Variants in MGAT4C observed in about 807,000 individuals in gnomAD.
MGAT4C encodes the protein alpha-1,3-mannosyl-glycoprotein 4-beta-N-acetylglucosaminyltransferase C.
A neutral mutation model predicts 40.1 loss-of-function variants in MGAT4C; 19 were observed. The observed-to-expected ratio is 0.47, with a 90% CI of 0.33 to 0.70. MGAT4C has a LOEUF of 0.70. Ranked by LOEUF, MGAT4C falls within the 30% of genes least tolerant of loss-of-function variation. The pLI, the probability that MGAT4C is intolerant of heterozygous loss-of-function variation, is 0.02. For missense variants in MGAT4C, 491 were observed against 563.2 expected (o/e 0.87, Z 1.30); for synonymous variants, 181 against 187.1 (o/e 0.97, Z 0.27).
chr12:86,792,696 C>T (rs1294483906), intron 1 of MGAT4C, among the ~76,000 whole-genome samples: 1 of 152,090 alleles, frequency 6.6e-6, no homozygotes, highest in Non-Finnish European at 1.5e-5. Flanking sequence ...CTTTGGGAGG[C>T]CGAGGCGGGT....
chr12:86,687,549 T>C (rs2195235), intron 2 of MGAT4C, among the ~76,000 whole-genome samples: 118,875 of 152,092 alleles, frequency 0.78, 47,699 homozygotes, highest in Middle Eastern at 0.88. Context: ...TTTGTTCTCA[T>C]TGGTTTCAAA....
intron 4 of MGAT4C, 150 bp from the exon 5 acceptor site, chr12:85,980,580 G>T: frequency 1.5e-6 from 1 of 649,638 alleles, no homozygotes; most frequent in Non-Finnish European, 2.5e-6. Context: ...TATGATTAAA[G>T]TAATAAGCTA....
chr12:86,518,783 C>T (rs929506073), intron 2 of MGAT4C, among the ~76,000 whole-genome samples: 8 of 152,110 alleles, frequency 5.3e-5, no homozygotes, highest in African/African-American at 1.7e-4. Flanking sequence ...AAGCAAACAT[C>T]TGTCAAACAT....
intron 3 of MGAT4C, among the ~76,000 whole-genome samples, chr12:86,365,299 T>C (rs1955567770): frequency 6.6e-6 from 1 of 152,194 alleles, no homozygotes; most frequent in Admixed American, 6.5e-5. Context: ...ACATTGCTGT[T>C]ATCCTGTTCT....
chr12:86,319,870 T>C (rs1037856476), intron 4 of MGAT4C, among the ~76,000 whole-genome samples: 3 of 152,166 alleles, frequency 2.0e-5, no homozygotes, highest in Non-Finnish European at 2.9e-5. Flanking sequence ...ATTCAATAAA[T>C]GATAAAATTT....
chr12:86,579,824 T>C (rs1416251218), intron 2 of MGAT4C, among the ~76,000 whole-genome samples: 1 of 151,606 alleles, frequency 6.6e-6, no homozygotes, highest in Non-Finnish European at 1.5e-5. Flanking sequence ...TATACGATTA[T>C]AGGTTAAAAG....
At chr12:86,262,320 CAT>C in intron 4 of MGAT4C, among the ~76,000 whole-genome samples, 1 of 152,250 alleles carries the variant, frequency 6.6e-6, no homozygotes, top group Non-Finnish European at 1.5e-5. Context: ...ATCAGTCACT[CAT>C]AGTCATATTG....
rs537853960 is a variant in MGAT4C at position 86,286,277 on chromosome 12, A to C, written c.-57+47788T>G. Among the ~76,000 whole-genome samples, 183 of 152,228 alleles carry C rather than the reference A, an allele frequency of 1.2e-3. 1 individual carries two copies. The highest frequency in any genetic ancestry group is 4.2e-3 in the African/African-American group (176 of 41,558). ...AATTTGAGTGTGTCACATGTGATAA[A>C]ATGTTAGCAGTAAAAAGAACATTAG... is the stretch of plus-strand genomic sequence containing the variant. On this transcript the variant is annotated intron_variant, in intron 4 of 7. Transcript: ENST00000548651.
At chr12:86,005,984 C>T (rs1198929760) in intron 2 of MGAT4C, among the ~76,000 whole-genome samples, 5 of 152,014 alleles carry the variant, frequency 3.3e-5, no homozygotes, top group Non-Finnish European at 4.4e-5. Flanking sequence ...TTCCAGTATC[C>T]GTCTACAACT....
intron 2 of MGAT4C, among the ~76,000 whole-genome samples, chr12:86,443,807 G>T (rs576577887): frequency 2.0e-5 from 3 of 151,986 alleles, no homozygotes; most frequent in Non-Finnish European, 4.4e-5. Flanking sequence ...TGTTAGCCAG[G>T]ATGGTCTCAA....
At chr12:86,541,037 A>G (rs1959165204) in intron 2 of MGAT4C, among the ~76,000 whole-genome samples, 1 of 152,192 alleles carries the variant, frequency 6.6e-6, no homozygotes, top group Non-Finnish European at 1.5e-5. Context: ...AGGTTGTTTC[A>G]AAGAGTTGAT....
intron 1 of MGAT4C, among the ~76,000 whole-genome samples, chr12:86,115,956 A>G (rs914135244): frequency 1.3e-5 from 2 of 151,970 alleles, no homozygotes; most frequent in African/African-American, 4.8e-5. Context: ...CTGAGAACCG[A>G]GGTTTAGGAT....
chr12:86,039,013 A>G (rs1891530609), intron 2 of MGAT4C, among the ~76,000 whole-genome samples: 1 of 149,794 alleles, frequency 6.7e-6, no homozygotes, highest in African/African-American at 2.4e-5. Context: ...GAGGATATAA[A>G]ATTCTGTGTT....
chr12:86,520,440 G>A (rs1176614417), intron 2 of MGAT4C, among the ~76,000 whole-genome samples: 2 of 152,108 alleles, frequency 1.3e-5, no homozygotes, highest in East Asian at 3.9e-4. Context: ...AACTCATGAT[G>A]TATATCTACC....
intron 1 of MGAT4C, among the ~76,000 whole-genome samples, chr12:86,161,171 A>G (rs958352966): frequency 1.3e-5 from 2 of 152,122 alleles, no homozygotes; most frequent in Non-Finnish European, 2.9e-5. Context: ...CAAAATTCAC[A>G]TGTCACCAAA....
At chr12:86,220,405 A>T (rs1950834670) in intron 1 of MGAT4C, among the ~76,000 whole-genome samples, 1 of 152,224 alleles carries the variant, frequency 6.6e-6, no homozygotes, top group Admixed American at 6.5e-5. Context: ...CATGTTACTA[A>T]CAGCAGGTAA....
intron 1 of MGAT4C, among the ~76,000 whole-genome samples, chr12:86,820,013 A>G (rs551749312): frequency 6.6e-6 from 1 of 150,980 alleles, no homozygotes; most frequent in East Asian, 1.9e-4. Context: ...ATAATTTGCT[A>G]TAGATAATTC....
intron 2 of MGAT4C, among the ~76,000 whole-genome samples, chr12:86,441,697 T>C (rs1043467787): frequency 3.3e-5 from 5 of 152,044 alleles, no homozygotes; most frequent in Non-Finnish European, 5.9e-5. Context: ...TATGGCTGCA[T>C]AGTATTCCAT....
chr12:86,212,524 A>G (rs1950511552), intron 1 of MGAT4C, among the ~76,000 whole-genome samples: 2 of 152,036 alleles, frequency 1.3e-5, no homozygotes. Context: ...TGATACTTCA[A>G]TATCCATTCT....
Sources: gnomAD v4.1 joint callset for allele counts (sites outside exome capture counted in the v4.1 genomes callset) on GRCh38, gnomAD v4.1.1 for gene constraint, MANE v1.5 for transcripts, NCBI Gene and HGNC (gene_info 2026-07-23, HGNC 2026-07-21) for gene names.